The following PLCL2 variants were observed in gnomAD, a reference collection of about 807,000 sequenced individuals.
The protein encoded by PLCL2 is inactive phospholipase C-like protein 2.
A neutral mutation model predicts 79.6 loss-of-function variants in PLCL2; 4 were observed. The ratio of observed to expected loss-of-function variants is 0.05; its 90% CI spans 0.02 to 0.11. The LOEUF (loss-of-function observed/expected upper bound fraction) is 0.11. PLCL2 is among the 10% of genes least tolerant of loss of function. PLCL2 has a pLI of 1.00. For missense variants in PLCL2, 895 were observed against 1,291.0 expected (o/e 0.69, Z 4.70); for synonymous variants, 484 against 457.7 (o/e 1.06, Z -0.73).
At chr3:17,014,976 A>G in intron 3 of PLCL2, 65 bp downstream of exon 3, 3 of 1,327,110 alleles carry the variant, frequency 2.3e-6, no homozygotes, top group Non-Finnish European at 3.2e-6. Flanking sequence ...AACACAGCAG[A>G]CATACTTTGG....
At chr3:16,965,915 T>C (rs1236077441) in intron 1 of PLCL2, among the ~76,000 whole-genome samples, 2 of 152,184 alleles carry the variant, frequency 1.3e-5, no homozygotes, top group South Asian at 2.1e-4. Flanking sequence ...CTTAAGGAGA[T>C]TTGGGGCTGA....
chr3:17,005,795 C>T (rs889131787), intron 1 of PLCL2, among the ~76,000 whole-genome samples: 3 of 152,056 alleles, frequency 2.0e-5, no homozygotes, highest in Non-Finnish European at 2.9e-5. Flanking sequence ...CTTTGGAAGC[C>T]GGTTTTCTTG....
At chr3:17,083,434 G>A (rs1255434081) in intron 5 of PLCL2, among the ~76,000 whole-genome samples, 1 of 152,152 alleles carries the variant, frequency 6.6e-6, no homozygotes, top group Admixed American at 6.5e-5. Context: ...AACAATACAG[G>A]GTGGGTAGGT....
chr3:16,901,944 C>T lies in PLCL2; in HGVS notation c.327+16578C>T, dbSNP rs150023336. On this transcript the variant is annotated intron_variant, in intron 1 of 5. Transcript: ENST00000615277. The stretch of plus-strand genomic sequence containing the variant: ...ACACAGTGAATAGGTCTCCTTCTCT[C>T]ATTCCATGCCTCATTCTGGACAACT... Among the ~76,000 whole-genome samples, 619 of 152,340 alleles carry T rather than the reference C, an allele frequency of 4.1e-3. 21 individuals are homozygous for T. The highest frequency in any genetic ancestry group is 0.036 in the Admixed American group (551 of 15,304).
chr3:17,048,506 G>A (rs1026016195), intron 4 of PLCL2, among the ~76,000 whole-genome samples: 1 of 152,044 alleles, frequency 6.6e-6, no homozygotes, highest in Non-Finnish European at 1.5e-5. Flanking sequence ...TGTTATAAAA[G>A]GTTAAAATTT....
chr3:16,892,762 A>C (rs1696380578), intron 1 of PLCL2, among the ~76,000 whole-genome samples: 1 of 152,188 alleles, frequency 6.6e-6, no homozygotes, highest in Non-Finnish European at 1.5e-5. Flanking sequence ...CGTCTCATGC[A>C]AGTCTCACCA....
Position 17,011,237 on chromosome 3 carries a change from A to C in PLCL2, c.1891A>C (p.Lys631Gln), listed in dbSNP as rs1435900124. The C allele has an allele frequency of 4.3e-6, 7 of 1,614,108 alleles. No individual in the cohort carries two copies. Among genetic ancestry groups the C allele is most frequent in the Non-Finnish European group, 5.9e-6 (7 of 1,180,034 alleles). Reference protein sequence around the residue: ...LVSICKSVQFKEFQVSFQVQK... With the variant: ...LVSICKSVQFQEFQVSFQVQK... ...CAGCATCTGCAAATCAGTTCAGTTC[A>C]AAGAATTTCAGGTGTCGTTTCAGGT... is the stretch of plus-strand genomic sequence containing the variant. Residue 631 changes from lysine (K) to glutamine (Q), a missense_variant, in exon 2 of 6, where the codon AAA becomes CAA. Physicochemically the swap from Lys to Gln is moderately conservative, Grantham distance 53. This residue lies in a region of PLCL2 where 242 missense variants were observed against 399.5 expected (regional missense o/e 0.61). Coordinates refer to ENST00000615277, the MANE Select transcript of PLCL2 (RefSeq NM_001144382.2). The surrounding 1 kb of genome is among the most constrained non-coding windows in gnomAD (Gnocchi z 7.9).
rs543989739 is a variant in PLCL2 at position 17,059,340 on chromosome 3, C to T, written c.3095-8616C>T. Among the ~76,000 whole-genome samples the T allele has an allele frequency of 1.1e-3, 160 of 148,832 alleles. 1 individual carries two copies. The highest frequency in any genetic ancestry group is 2.0e-3 in the Non-Finnish European group (136 of 67,630). ...GTTGCAGTGAGCCGAGATTGCACCA[C>T]TGCACTCCAGCCTAGGTGACAGAGC... On this transcript the variant is annotated intron_variant, in intron 4 of 5. Transcript: ENST00000615277.
intron 3 of PLCL2, among the ~76,000 whole-genome samples, chr3:17,032,848 T>C (rs1307108624): frequency 6.6e-6 from 1 of 152,228 alleles, no homozygotes; most frequent in Non-Finnish European, 1.5e-5. Context: ...CTGTATCTTA[T>C]GTTTGTATGG....
chr3:17,075,337 G>A (rs2065098629), intron 5 of PLCL2, among the ~76,000 whole-genome samples: 1 of 152,064 alleles, frequency 6.6e-6, no homozygotes, highest in Non-Finnish European at 1.5e-5. Context: ...TTATAAGGAA[G>A]GGCACACTTT....
chr3:16,894,787 A>G (rs529873478), intron 1 of PLCL2, among the ~76,000 whole-genome samples: 2 of 152,188 alleles, frequency 1.3e-5, no homozygotes, highest in Non-Finnish European at 2.9e-5. Flanking sequence ...TTGCCCATTT[A>G]AAAAGTCAGG....
chr3:16,927,979 G>A (rs1310245707), intron 1 of PLCL2, among the ~76,000 whole-genome samples: 1 of 152,226 alleles, frequency 6.6e-6, no homozygotes, highest in Non-Finnish European at 1.5e-5. Flanking sequence ...TTTTTCAAAG[G>A]CAGCTTGCAG....
intron 1 of PLCL2, among the ~76,000 whole-genome samples, chr3:16,975,601 T>G (rs2124982558): frequency 6.6e-6 from 1 of 152,226 alleles, no homozygotes; most frequent in African/African-American, 2.4e-5. Flanking sequence ...ATGGTGATGC[T>G]CAGACACAGG....
At chr3:16,965,651 G>A (rs1036766272) in intron 1 of PLCL2, among the ~76,000 whole-genome samples, 1 of 151,822 alleles carries the variant, frequency 6.6e-6, no homozygotes, top group African/African-American at 2.4e-5. Context: ...TCCTATCCAT[G>A]AGCATGGAAT....
chr3:16,891,240 A>C (rs1174636107), intron 1 of PLCL2, among the ~76,000 whole-genome samples: 3 of 152,302 alleles, frequency 2.0e-5, no homozygotes, highest in Non-Finnish European at 2.9e-5. Context: ...CAAGATACTG[A>C]AGTCTGTATG....
intron 1 of PLCL2, among the ~76,000 whole-genome samples, chr3:16,965,408 G>C (rs2063797063): frequency 6.6e-6 from 1 of 152,124 alleles, no homozygotes; most frequent in Non-Finnish European, 1.5e-5. Flanking sequence ...GTACCATGCT[G>C]TTTTGGTTAC....
Position 16,995,459 on chromosome 3 carries a change from T to A in PLCL2, c.328-14215T>A, listed in dbSNP as rs141475420. ...GGGCCTTCTCTAAGGAGGTGCTGGC[T>A]CCCCTCACAACAGAGGCAGGCTAGC... On this transcript the variant is annotated intron_variant, in intron 1 of 5. Transcript: ENST00000615277. 1.2e-3 allele frequency among the ~76,000 whole-genome samples: 176 copies of A among 152,334 alleles called. 1 individual carries two copies. The highest frequency in any genetic ancestry group is 1.8e-3 in the Non-Finnish European group (125 of 68,026).
rs143929464 is a variant in PLCL2 at position 17,089,914 on chromosome 3, G to A, written c.*2G>A. 2.7e-4 allele frequency: 434 copies of A among 1,611,640 alleles called. No individual in the cohort carries two copies. The Middle Eastern group carries it at 6.3e-3, about 23-fold the overall frequency. Reference sequence around the variant, plus strand: ...GCAAACGATGAAACTGGAGAATGAGGAAACTTACAATAAACCATTATGGAG... The same window carrying A: ...GCAAACGATGAAACTGGAGAATGAGAAAACTTACAATAAACCATTATGGAG... On this transcript the variant is annotated 3_prime_UTR_variant, in exon 6 of 6. Coordinates refer to ENST00000615277, the MANE Select transcript of PLCL2 (RefSeq NM_001144382.2).
chr3:17,032,211 C>T (rs954214246), intron 3 of PLCL2, among the ~76,000 whole-genome samples: 7 of 152,006 alleles, frequency 4.6e-5, no homozygotes, highest in African/African-American at 1.7e-4. Context: ...ACCCCTCCAG[C>T]GACCTTTTCA....
Sources: allele counts gnomAD v4.1 joint callset (sites outside exome capture counted in the v4.1 genomes callset), GRCh38; gene constraint gnomAD v4.1.1; regional missense constraint gnomAD v4.1.1; non-coding constraint Gnocchi (gnomAD v3.1); transcripts MANE v1.5; gene names NCBI Gene and HGNC (gene_info 2026-07-23, HGNC 2026-07-21).